The following AFAP1 variants were observed in gnomAD, a reference collection of about 807,000 sequenced individuals.
AFAP1 encodes actin filament associated protein 1, also known as actin filament-associated protein 1.
A neutral mutation model predicts 93.9 loss-of-function variants in AFAP1; 75 were observed. The ratio of observed to expected loss-of-function variants is 0.80; its 90% confidence interval spans 0.66 to 0.97. The LOEUF (loss-of-function observed/expected upper bound fraction) is 0.97. AFAP1 is among the 50% of genes least tolerant of loss of function. The pLI, the probability that AFAP1 is intolerant of heterozygous loss-of-function variation, is 0.00. For missense variants in AFAP1, 1,201 were observed against 1,050.8 expected (o/e 1.14, Z -1.98); for synonymous variants, 517 against 430.7 (o/e 1.20, Z -2.48).
chr4:7,767,928 T>A (rs1263203543), intron 17 of AFAP1, among the ~76,000 whole-genome samples: 2 of 152,104 alleles, frequency 1.3e-5, no homozygotes, highest in Admixed American at 6.5e-5. Flanking sequence ...TACAGTAAGT[T>A]AGCTGGGCAT....
chr4:7,845,936 C>T (rs903781214), intron 4 of AFAP1, among the ~76,000 whole-genome samples: 7 of 152,092 alleles, frequency 4.6e-5, no homozygotes, highest in African/African-American at 1.2e-4. Flanking sequence ...GTCATGGAGC[C>T]GGGCACGAGG....
intron 1 of AFAP1, among the ~76,000 whole-genome samples, chr4:7,902,231 C>T (rs1683197739): frequency 6.6e-6 from 1 of 152,178 alleles, no homozygotes; most frequent in Admixed American, 6.5e-5. Context: ...GGTCCCAAAT[C>T]CCCATGTGAT....
chr4:7,871,150 T>C (rs550444592), intron 2 of AFAP1, among the ~76,000 whole-genome samples: 31 of 152,148 alleles, frequency 2.0e-4, no homozygotes, highest in Non-Finnish European at 4.0e-4. Context: ...GGCTTTCTTA[T>C]TGCCTGCTTT....
rs890790844 is a variant in AFAP1 at position 7,939,728 on chromosome 4, G to T, written c.-75C>A. The T allele has an allele frequency of 2.4e-6, 1 of 412,786 alleles. No homozygotes were observed. Among genetic ancestry groups the T allele is most frequent in the Non-Finnish European group, 4.8e-6 (1 of 209,134 alleles). The allele number at this position is 412,786 out of a possible 1,614,324, so 25.6% of individuals were successfully genotyped here. A position where few individuals can be genotyped will look rare whatever the true frequency, so the allele number is the denominator to read the frequency against. On this transcript the variant is annotated 5_prime_UTR_variant, in exon 1 of 18. Transcript: ENST00000420658. This position sits in a 1 kb window ranked among gnomAD's most constrained non-coding sequence, Gnocchi z 5.6. ...CCGACTGGAGCGCAGCTGAACAGCC[G>T]ACAGAGCCGCAGCCGCCTTAACAAT...
intron 16 of AFAP1, 70 bp from the exon 17 acceptor site, chr4:7,769,078 GATTT>G (rs979149062): frequency 8.8e-5 from 131 of 1,480,958 alleles, no homozygotes; most frequent in Admixed American, 8.2e-4. Context: ...GCAGGAAAAT[GATTT>G]ATTTCAAGGA....
At chr4:7,825,727 TAAAG>T (rs1234591695) in intron 6 of AFAP1, among the ~76,000 whole-genome samples, 1 of 150,966 alleles carries the variant, frequency 6.6e-6, no homozygotes, top group African/African-American at 2.4e-5. Context: ...AGCAAAATAA[TAAAG>T]AAAAAGAACT....
intron 1 of AFAP1, among the ~76,000 whole-genome samples, chr4:7,884,007 G>A (rs547108399): frequency 6.6e-6 from 1 of 152,320 alleles, no homozygotes; most frequent in East Asian, 1.9e-4. Context: ...TGGCTGGTGG[G>A]AGGTGTTGGG....
intron 9 of AFAP1, 111 bp downstream of exon 9, chr4:7,809,502 CA>C (rs1190583077): frequency 7.7e-7 from 1 of 1,295,234 alleles, no homozygotes; most frequent in Non-Finnish European, 1.1e-6. Context: ...AAGTCCAATG[CA>C]AAAGAGCTCA....
At chr4:7,811,718 A>T (rs1275800166) in intron 8 of AFAP1, among the ~76,000 whole-genome samples, 3 of 152,104 alleles carry the variant, frequency 2.0e-5, no homozygotes, top group Non-Finnish European at 4.4e-5. Context: ...GCCTTGGAGG[A>T]AGACAGCCCT....
At chr4:7,925,621 C>T (rs1276441059) in intron 1 of AFAP1, among the ~76,000 whole-genome samples, 12 of 151,362 alleles carry the variant, frequency 7.9e-5, no homozygotes, top group Admixed American at 6.6e-4. Flanking sequence ...CCGAGTCAGG[C>T]GGATTACCTG....
At chr4:7,841,156 T>C (rs185046913) in intron 5 of AFAP1, among the ~76,000 whole-genome samples, 3 of 152,330 alleles carry the variant, frequency 2.0e-5, no homozygotes, top group Non-Finnish European at 4.4e-5. Flanking sequence ...ATGGGCGTCC[T>C]GAAGACAACA....
chr4:7,811,682 C>T (rs1409583842), intron 8 of AFAP1, among the ~76,000 whole-genome samples: 1 of 152,148 alleles, frequency 6.6e-6, no homozygotes, highest in Non-Finnish European at 1.5e-5. Flanking sequence ...AGAAGAAAGG[C>T]CGTGTGAAGG....
intron 1 of AFAP1, among the ~76,000 whole-genome samples, chr4:7,932,314 T>C (rs1009140423): frequency 3.3e-5 from 5 of 152,234 alleles, no homozygotes; most frequent in African/African-American, 1.2e-4. Flanking sequence ...TCAGTTGTTT[T>C]CTTGACCACA....
chr4:7,763,872 T>C, intron 17 of AFAP1, 81 bp from the exon 18 acceptor site: 1 of 1,422,528 alleles, frequency 7.0e-7, no homozygotes, highest in Non-Finnish European at 9.7e-7. Flanking sequence ...CACATTCAAC[T>C]CAGAGGGGGT....
In AFAP1 at chr4:7,891,993, G is replaced by A. The variant is rs117809590; in HGVS notation, c.-2-19913C>T. 8.9e-4 allele frequency among the ~76,000 whole-genome samples: 135 copies of A among 152,238 alleles called. No individual in the cohort carries two copies. In the East Asian group the frequency reaches 0.017, roughly 19 times the overall value. On this transcript the variant is annotated intron_variant, in intron 1 of 17. Coordinates refer to ENST00000420658, the MANE Select transcript of AFAP1 (RefSeq NM_001134647.2). ...GGCTTGAACCCGGGAAGCGGAGGTTGCAGTAAGCCAAGAAGGTGCCATTGC... is the reference window on the plus strand; with the variant it reads ...GGCTTGAACCCGGGAAGCGGAGGTTACAGTAAGCCAAGAAGGTGCCATTGC...
Position 7,763,336 on chromosome 4 carries a change from G to A in AFAP1, c.*429C>T. The A allele has an allele frequency of 5.1e-6, 1 of 195,582 alleles. No homozygotes were observed. Among genetic ancestry groups the A allele is most frequent in the Admixed American group, 5.6e-5 (1 of 17,936 alleles). The allele number at this position is 195,582 out of a possible 1,614,324, so 12.1% of individuals were successfully genotyped here. On this transcript the variant is annotated 3_prime_UTR_variant, in exon 18 of 18. Transcript: ENST00000420658. ...AAGGCGAGCCCAGTGCCCATGGCCA[G>A]CCACACTCATGCCCGGGGCAGCCGG...
chr4:7,904,320 G>T (rs1317576983), intron 1 of AFAP1, among the ~76,000 whole-genome samples: 2 of 152,054 alleles, frequency 1.3e-5, no homozygotes, highest in African/African-American at 4.8e-5. Context: ...CAGGTCCTTT[G>T]TTCTTTGAAT....
chr4:7,923,166 TG>T (rs1720527721), intron 1 of AFAP1, among the ~76,000 whole-genome samples: 1 of 152,202 alleles, frequency 6.6e-6, no homozygotes, highest in African/African-American at 2.4e-5. Context: ...GCAAAGGCCC[TG>T]GGCTCACAGC....
intron 1 of AFAP1, among the ~76,000 whole-genome samples, chr4:7,933,149 C>A (rs1000522716): frequency 6.6e-6 from 1 of 151,992 alleles, no homozygotes; most frequent in Non-Finnish European, 1.5e-5. Flanking sequence ...GATTGGTAAC[C>A]GCGGTGGGAG....
Sources: gnomAD v4.1 joint callset for allele counts (sites outside exome capture counted in the v4.1 genomes callset) on GRCh38, gnomAD v4.1.1 for gene constraint, Gnocchi (gnomAD v3.1) non-coding constraint, MANE v1.5 for transcripts, NCBI Gene and HGNC (gene_info 2026-07-23, HGNC 2026-07-21) for gene names.